SND1: variants seen among roughly 807,000 people sequenced by gnomAD.
The protein encoded by SND1 is staphylococcal nuclease and tudor domain containing 1.
A neutral mutation model predicts 121.7 loss-of-function variants in SND1; 38 were observed. That is an observed-to-expected ratio of 0.31 (90% CI 0.24 to 0.41). The LOEUF (loss-of-function observed/expected upper bound fraction) is 0.41. Among genes scored for constraint, SND1 ranks in the 10% least tolerant of loss-of-function variants. The pLI is 1.00. For missense variants in SND1, 868 were observed against 1,184.6 expected (o/e 0.73, Z 3.92); for synonymous variants, 401 against 447.4 (o/e 0.90, Z 1.31).
chr7:127,700,787 A>G (rs749986270), intron 4 of SND1, among the ~76,000 whole-genome samples: 1 of 152,094 alleles, frequency 6.6e-6, no homozygotes, highest in African/African-American at 2.4e-5. Flanking sequence ...GCTTCTCTGC[A>G]CTACCGAGCT....
At chr7:127,747,724 G>A (rs1394003812) in intron 10 of SND1, among the ~76,000 whole-genome samples, 2 of 152,174 alleles carry the variant, frequency 1.3e-5, no homozygotes, top group Admixed American at 1.3e-4. Flanking sequence ...TAATTTTTCA[G>A]GACATGCCAC....
intron 22 of SND1, 97 bp downstream of exon 22, chr7:128,089,789 T>C: frequency 9.7e-7 from 1 of 1,026,338 alleles, no homozygotes; most frequent in Non-Finnish European, 1.5e-6. Flanking sequence ...GAATCCACCA[T>C]CCTGCTGTTC....
chr7:127,973,816 T>C (rs1288436078), intron 15 of SND1, among the ~76,000 whole-genome samples: 1 of 152,228 alleles, frequency 6.6e-6, no homozygotes, highest in East Asian at 1.9e-4. Flanking sequence ...ACCTTTTATG[T>C]ATTAAGTGGT....
chr7:127,699,685 G>A (rs1796069196), intron 4 of SND1, among the ~76,000 whole-genome samples: 2 of 152,192 alleles, frequency 1.3e-5, no homozygotes, highest in African/African-American at 4.8e-5. Flanking sequence ...TTGGCTGTCA[G>A]TAGGATGGAT....
chr7:128,063,814 A>G (rs899065225), intron 16 of SND1, among the ~76,000 whole-genome samples: 1 of 152,260 alleles, frequency 6.6e-6, no homozygotes, highest in Non-Finnish European at 1.5e-5. Flanking sequence ...GGAACATTCC[A>G]GCCAAAATGA....
At chr7:128,004,089 G>T (rs572586762) in intron 16 of SND1, among the ~76,000 whole-genome samples, 2 of 151,232 alleles carry the variant, frequency 1.3e-5, no homozygotes, top group African/African-American at 4.9e-5. Flanking sequence ...ATTTGTGGGA[G>T]GAAGATGGGT....
In SND1 at chr7:128,074,672, A is replaced by G. The variant is rs750264990; in HGVS notation, c.1950A>G (p.Ala650=). Residue 650 remains alanine, a synonymous_variant, in exon 17 of 24, where the codon GCA becomes GCG. Coordinates refer to ENST00000354725, the MANE Select transcript of SND1 (RefSeq NM_014390.4). ...YKSLLSAEEA[A]KQKKEKVWAH... ...CCCTGCTGTCTGCCGAGGAGGCCGC[A>G]AAGCAGAAGAAAGAGAAGGTACATG... The G allele has an allele frequency of 3.1e-6, 5 of 1,611,536 alleles. No individual in the cohort carries two copies. In the East Asian group the frequency reaches 8.9e-5, roughly 29 times the overall value.
rs935596794 is a variant in SND1 at position 127,798,729 on chromosome 7, G to A, written c.1153-8755G>A. Among the ~76,000 whole-genome samples, 6 of 152,100 alleles carry A rather than the reference G, an allele frequency of 3.9e-5. No individual in the cohort carries two copies. In the South Asian group the frequency reaches 6.2e-4, roughly 16 times the overall value. ...AAAATATAGACATTTTTGTGGCCTGGAGACCTCCTTGCTACTTATTTAAAA... is the reference window on the plus strand; with the variant it reads ...AAAATATAGACATTTTTGTGGCCTGAAGACCTCCTTGCTACTTATTTAAAA... On this transcript the variant is annotated intron_variant, in intron 10 of 23. Coordinates refer to ENST00000354725, the MANE Select transcript of SND1 (RefSeq NM_014390.4).
intron 15 of SND1, among the ~76,000 whole-genome samples, chr7:127,931,762 G>T (rs1800959479): frequency 6.6e-6 from 1 of 152,178 alleles, no homozygotes; most frequent in Admixed American, 6.5e-5. Context: ...AAAAACCTAA[G>T]GCTCTTAAGA....
chr7:127,657,563 G>T (rs1795232922), intron 1 of SND1, among the ~76,000 whole-genome samples: 1 of 152,130 alleles, frequency 6.6e-6, no homozygotes, highest in South Asian at 2.1e-4. Flanking sequence ...CACAATCATG[G>T]CTCATTGCAG....
chr7:127,829,584 ATAT>A (rs1314652935), intron 11 of SND1, among the ~76,000 whole-genome samples: 5 of 152,194 alleles, frequency 3.3e-5, no homozygotes, highest in African/African-American at 7.2e-5. Flanking sequence ...ATTATTAAAA[ATAT>A]TATTACAAGA....
At chr7:128,001,340 A>G (rs1388631593) in intron 16 of SND1, among the ~76,000 whole-genome samples, 1 of 152,222 alleles carries the variant, frequency 6.6e-6, no homozygotes, top group Non-Finnish European at 1.5e-5. Context: ...TAGCATGTGA[A>G]AAGTCAAACC....
intron 16 of SND1, among the ~76,000 whole-genome samples, chr7:128,014,551 C>T (rs1169270686): frequency 6.6e-6 from 1 of 152,168 alleles, no homozygotes; most frequent in Non-Finnish European, 1.5e-5. Context: ...GGTGGGAAGG[C>T]AGAGCACTTG....
In SND1 at chr7:128,085,121, G is replaced by A. The variant is rs990473706; in HGVS notation, c.2234+274G>A. ...GCCCTTGCTGGCTGGCTGGCTGGCC[G>A]GCCGGCCAGGCTGTCCAGCACACCC... On this transcript the variant is annotated intron_variant, in intron 19 of 23. Coordinates refer to ENST00000354725, the MANE Select transcript of SND1 (RefSeq NM_014390.4). This position sits in a 1 kb window ranked among gnomAD's most constrained non-coding sequence, Gnocchi z 4.4. 1.1e-4 allele frequency among the ~76,000 whole-genome samples: 16 copies of A among 152,176 alleles called. No individual in the cohort carries two copies. In the East Asian group the frequency reaches 1.2e-3, roughly 11 times the overall value.
At chr7:127,872,022 A>T (rs909500913) in intron 12 of SND1, among the ~76,000 whole-genome samples, 1 of 152,110 alleles carries the variant, frequency 6.6e-6, no homozygotes, top group Non-Finnish European at 1.5e-5. Context: ...AGTCTAATTC[A>T]TCAGGAGGCT....
rs180813529 is a variant in SND1, at chr7:128,000,900, A to C, written c.1779+9844A>C. Among the ~76,000 whole-genome samples the C allele has an allele frequency of 4.7e-4, 72 of 152,262 alleles. No homozygotes were observed. The East Asian group carries it at 9.5e-3, about 20-fold the overall frequency. On this transcript the variant is annotated intron_variant, in intron 16 of 23. Transcript: ENST00000354725. Reference sequence around the variant, plus strand: ...GGCATTTTTTCTCCAGGTAATACTAACGTTGTGGTGTTTCACATGTGACTC... The same window carrying C: ...GGCATTTTTTCTCCAGGTAATACTACCGTTGTGGTGTTTCACATGTGACTC...
chr7:127,969,178 A>G (rs576859357), intron 15 of SND1, among the ~76,000 whole-genome samples: 19 of 152,222 alleles, frequency 1.2e-4, no homozygotes, highest in African/African-American at 4.6e-4. Context: ...GTCCTGAGGA[A>G]GAGGATTACA....
chr7:127,888,077 G>T (rs1244018238), intron 13 of SND1, 65 bp downstream of exon 13: 2 of 1,065,056 alleles, frequency 1.9e-6, no homozygotes, highest in Non-Finnish European at 2.9e-6. Flanking sequence ...TCCCAGTTTT[G>T]TGCCTATACC....
intron 8 of SND1, among the ~76,000 whole-genome samples, chr7:127,706,423 A>AT (rs914649945): frequency 6.0e-5 from 9 of 150,466 alleles, no homozygotes; most frequent in Non-Finnish European, 7.4e-5. Flanking sequence ...CACCTGGCTA[A>AT]TTTTTTTTTG....
Sources: gnomAD v4.1 joint callset for allele counts (sites outside exome capture counted in the v4.1 genomes callset) on GRCh38, gnomAD v4.1.1 for gene constraint, Gnocchi (gnomAD v3.1) non-coding constraint, MANE v1.5 for transcripts, NCBI Gene and HGNC (gene_info 2026-07-23, HGNC 2026-07-21) for gene names.